Variants in GPR107 observed in about 807,000 individuals in gnomAD.
GPR107 encodes the protein G protein-coupled receptor 107, also known as protein GPR107.
A neutral mutation model predicts 75.5 loss-of-function variants in GPR107; 31 were observed. The ratio of observed to expected loss-of-function variants is 0.41; its 90% CI spans 0.31 to 0.55. GPR107 has a LOEUF of 0.55. GPR107 is among the 20% of genes least tolerant of loss of function. GPR107 has a pLI of 0.26. For synonymous variants in GPR107, 267 were observed against 251.3 expected, an observed-to-expected ratio of 1.06 and a Z score of -0.59; for missense variants, 572 against 665.7, an observed-to-expected ratio of 0.86 and a Z score of 1.55.
chr9:130,056,924 C>CAAAAAAAAA lies in GPR107; in HGVS notation c.141+2870_141+2878dup, dbSNP rs11442007. On this transcript the variant is annotated intron_variant, in intron 1 of 17. Coordinates refer to ENST00000347136, the MANE Select transcript of GPR107 (RefSeq NM_020960.5). Reference sequence around the variant, plus strand: ...TGGGTGACAGAGCGAGACTCCTTCTCAAAAAAAAAAAAAAAAAAAAAAAAA... The same window carrying CAAAAAAAAA: ...TGGGTGACAGAGCGAGACTCCTTCTCAAAAAAAAAAAAAAAAAAAAAAAAAAAAAAAAAA... Among the ~76,000 whole-genome samples the CAAAAAAAAA allele has an allele frequency of 1.4e-3, 58 of 42,892 alleles. 7 individuals carry two copies. The highest frequency in any genetic ancestry group is 5.3e-3 in the African/African-American group (46 of 8,646). The allele number at this position is 42,892 out of a possible 152,430, so 28.1% of individuals were successfully genotyped here.
At chr9:130,067,644 C>G (rs1830099166) in intron 1 of GPR107, among the ~76,000 whole-genome samples, 1 of 149,748 alleles carries the variant, frequency 6.7e-6, no homozygotes, top group African/African-American at 2.4e-5. Flanking sequence ...TTGTGAATTG[C>G]TATGTATGTG....
intron 6 of GPR107, among the ~76,000 whole-genome samples, chr9:130,085,754 A>ATTGTTTTTTTTTTTTT (rs1830598289): frequency 1.3e-5 from 1 of 78,674 alleles, no homozygotes. Flanking sequence ...CAATATTTTG[A>ATTGTTTTTTTTTTTTT]TTTTTTTTTT....
At chr9:130,090,741 T>C (rs1019212133) in intron 7 of GPR107, 135 bp from the exon 8 acceptor site, 9 of 492,204 alleles carry the variant, frequency 1.8e-5, no homozygotes, top group East Asian at 1.0e-4. Flanking sequence ...TCATAACTTA[T>C]TTCTAAGGTT....
At chr9:130,073,257 A>G (rs1354795144) in intron 1 of GPR107, among the ~76,000 whole-genome samples, 1 of 152,228 alleles carries the variant, frequency 6.6e-6, no homozygotes, top group Non-Finnish European at 1.5e-5. Flanking sequence ...ATTCTGCCAG[A>G]GAATGAAGCC....
intron 1 of GPR107, among the ~76,000 whole-genome samples, chr9:130,055,946 C>CAAATAAATAAAT (rs143338115): frequency 1.4e-4 from 21 of 151,052 alleles, no homozygotes; most frequent in East Asian, 7.8e-4. Context: ...TACTCTGTCT[C>CAAATAAATAAAT]AAATAAATAA....
At chr9:130,080,895 A>G (rs76414033) in intron 5 of GPR107, among the ~76,000 whole-genome samples, 6 of 151,420 alleles carry the variant, frequency 4.0e-5, no homozygotes, top group Middle Eastern at 3.4e-3. Context: ...GGTTCATCTG[A>G]TGATTCATGT....
chr9:130,072,005 C>T (rs999400930), intron 1 of GPR107, among the ~76,000 whole-genome samples: 2 of 151,602 alleles, frequency 1.3e-5, no homozygotes, highest in Non-Finnish European at 2.9e-5. Context: ...GACAGTCTTG[C>T]TCTGTTTCCC....
intron 7 of GPR107, among the ~76,000 whole-genome samples, chr9:130,088,648 C>A (rs1263732525): frequency 6.6e-6 from 1 of 152,156 alleles, no homozygotes; most frequent in Non-Finnish European, 1.5e-5. Flanking sequence ...CTCTAAACAA[C>A]TCTGTGAAGT....
chr9:130,062,938 C>G (rs1829967903), intron 1 of GPR107, among the ~76,000 whole-genome samples: 1 of 152,082 alleles, frequency 6.6e-6, no homozygotes, highest in African/African-American at 2.4e-5. Context: ...CTACTTTGTC[C>G]AGGCTGGTCT....
At chr9:130,115,798 G>A (rs1449533738) in intron 14 of GPR107, among the ~76,000 whole-genome samples, 1 of 151,004 alleles carries the variant, frequency 6.6e-6, no homozygotes, top group African/African-American at 2.4e-5. Flanking sequence ...AGCCAGCCGT[G>A]ATGGTGCACA....
intron 14 of GPR107, among the ~76,000 whole-genome samples, chr9:130,118,183 G>A (rs1162447686): frequency 1.3e-5 from 2 of 152,112 alleles, no homozygotes; most frequent in Non-Finnish European, 2.9e-5. Flanking sequence ...CCCCACAGAG[G>A]CCATCGTGAG....
chr9:130,095,530 G>C (rs1188151080), intron 9 of GPR107, among the ~76,000 whole-genome samples: 1 of 152,154 alleles, frequency 6.6e-6, no homozygotes, highest in African/African-American at 2.4e-5. Flanking sequence ...AAGTAGCTGG[G>C]ACTACAGGCG....
intron 1 of GPR107, among the ~76,000 whole-genome samples, chr9:130,074,260 G>C (rs754585740): frequency 6.6e-6 from 1 of 151,832 alleles, no homozygotes; most frequent in African/African-American, 2.4e-5. Flanking sequence ...GGAGAGGAGG[G>C]GATTTAGTTT....
chr9:130,102,638 A>G (rs765317764), intron 12 of GPR107, among the ~76,000 whole-genome samples: 30 of 152,216 alleles, frequency 2.0e-4, no homozygotes, highest in Non-Finnish European at 3.4e-4. Context: ...GTTTCTAAGT[A>G]AGGAGTAGAT....
intron 5 of GPR107, 65 bp from the exon 6 acceptor site, chr9:130,083,500 T>C: frequency 1.1e-6 from 1 of 922,520 alleles, no homozygotes; most frequent in Non-Finnish European, 1.6e-6. Context: ...AATGATACTG[T>C]AATATATATA....
intron 17 of GPR107, among the ~76,000 whole-genome samples, chr9:130,132,245 T>C (rs1345309097): frequency 6.6e-6 from 1 of 152,164 alleles, no homozygotes; most frequent in Non-Finnish European, 1.5e-5. Flanking sequence ...TAGAGTGTTT[T>C]TGCAGTGCCA....
chr9:130,123,229 G>T (rs113100695), intron 14 of GPR107, among the ~76,000 whole-genome samples: 1 of 151,856 alleles, frequency 6.6e-6, no homozygotes, highest in African/African-American at 2.4e-5. Context: ...TTTTGAAACA[G>T]AGTGTTGCTC....
chr9:130,095,873 A>G (rs569277877), intron 9 of GPR107, among the ~76,000 whole-genome samples: 29 of 152,324 alleles, frequency 1.9e-4, no homozygotes, highest in Admixed American at 1.8e-3. Flanking sequence ...ATATAAAGGC[A>G]TATGACCAAG....
At chr9:130,109,534 A>G (rs889137442) in intron 14 of GPR107, among the ~76,000 whole-genome samples, 26 of 147,356 alleles carry the variant, frequency 1.8e-4, no homozygotes, top group African/African-American at 6.5e-4. Context: ...TAGTTTTATT[A>G]TATTTGTAAC....
Sources: gnomAD v4.1 joint callset for allele counts (sites outside exome capture counted in the v4.1 genomes callset) on GRCh38, gnomAD v4.1.1 for gene constraint, MANE v1.5 for transcripts, NCBI Gene and HGNC (gene_info 2026-07-23, HGNC 2026-07-21) for gene names.